The following ZNF385D variants were observed in gnomAD, a reference collection of about 807,000 sequenced individuals.
The protein encoded by ZNF385D is zinc finger protein 385D.
Under a neutral mutation model 35.8 loss-of-function variants are expected in ZNF385D, and 15 were observed. That is an observed-to-expected ratio of 0.42 (90% CI 0.28 to 0.64). The LOEUF (loss-of-function observed/expected upper bound fraction) is 0.64, where lower values mean the gene tolerates loss of function less well. ZNF385D is among the 30% of genes least tolerant of loss of function. The pLI, the probability that ZNF385D is intolerant of heterozygous loss-of-function variation, is 0.23. For missense variants in ZNF385D, 474 were observed against 494.6 expected (o/e 0.96, Z 0.39); for synonymous variants, 212 against 186.8 (o/e 1.13, Z -1.10).
chr3:21,897,053 C>T (rs950020112), intron 3 of ZNF385D, among the ~76,000 whole-genome samples: 8 of 152,082 alleles, frequency 5.3e-5, no homozygotes, highest in East Asian at 1.9e-4. Context: ...CTACTGCTGA[C>T]GTTATCACCC....
intron 2 of ZNF385D, among the ~76,000 whole-genome samples, chr3:21,656,947 C>T (rs1393816128): frequency 6.6e-6 from 1 of 151,776 alleles, no homozygotes; most frequent in Non-Finnish European, 1.5e-5. Flanking sequence ...CTTATTTACT[C>T]AAAATCCCAG....
intron 2 of ZNF385D, among the ~76,000 whole-genome samples, chr3:22,323,299 G>T (rs1430200294): frequency 6.6e-6 from 1 of 152,046 alleles, no homozygotes; most frequent in Non-Finnish European, 1.5e-5. Context: ...TGGTATATAG[G>T]GATATGCCCA....
chr3:22,160,495 G>T (rs969503242), intron 3 of ZNF385D, among the ~76,000 whole-genome samples: 5 of 152,066 alleles, frequency 3.3e-5, no homozygotes, highest in African/African-American at 1.2e-4. Flanking sequence ...TATCAATGTT[G>T]CAGGAGAAGA....
At chr3:22,328,874 G>C (rs373179083) in intron 2 of ZNF385D, among the ~76,000 whole-genome samples, 7 of 151,814 alleles carry the variant, frequency 4.6e-5, no homozygotes, top group South Asian at 4.2e-4. Context: ...AGGAGATCGA[G>C]ACCATCCTGG....
intron 3 of ZNF385D, among the ~76,000 whole-genome samples, chr3:22,125,448 AG>A (rs773833874): frequency 3.3e-5 from 5 of 152,056 alleles, no homozygotes; most frequent in Admixed American, 6.6e-5. Flanking sequence ...ATCTTTGTGA[AG>A]ATTGTCAATG....
chr3:22,367,404 T>C (rs1696704553), intron 2 of ZNF385D, among the ~76,000 whole-genome samples: 1 of 152,188 alleles, frequency 6.6e-6, no homozygotes, highest in African/African-American at 2.4e-5. Flanking sequence ...TCTATGATTT[T>C]GATGTCAAGT....
intron 3 of ZNF385D, among the ~76,000 whole-genome samples, chr3:21,881,257 T>G (rs117770759): frequency 6.6e-6 from 1 of 151,956 alleles, no homozygotes; most frequent in East Asian, 1.9e-4. Context: ...GTGCCTGGCA[T>G]CAAATTTTCA....
chr3:21,723,125 A>G (rs1020060318), intron 1 of ZNF385D, among the ~76,000 whole-genome samples: 2 of 152,310 alleles, frequency 1.3e-5, no homozygotes, highest in Admixed American at 6.5e-5. Flanking sequence ...GAGCATGTCC[A>G]CTCAGAGACC....
intron 3 of ZNF385D, among the ~76,000 whole-genome samples, chr3:21,779,898 C>T (rs184529353): frequency 1.3e-5 from 2 of 151,764 alleles, no homozygotes; most frequent in East Asian, 1.9e-4. Context: ...ATACTTAGTC[C>T]GAAAATTAAA....
Position 21,751,192 on chromosome 3 carries a change from C to A in ZNF385D, c.-276G>T, listed in dbSNP as rs1454125789. On this transcript the variant is annotated 5_prime_UTR_variant, in exon 1 of 8. Coordinates refer to ENST00000281523, the MANE Select transcript of ZNF385D (RefSeq NM_024697.3). Reference sequence around the variant, plus strand: ...ACTCCTCCTTGCGATGTCCTTGCCGCGCCTGTGACATCAGGACTGAGAGTA... The same window carrying A: ...ACTCCTCCTTGCGATGTCCTTGCCGAGCCTGTGACATCAGGACTGAGAGTA... 50 of 1,368,996 alleles carry A rather than the reference C, an allele frequency of 3.7e-5. No homozygotes were observed. Among genetic ancestry groups the A allele is most frequent in the Non-Finnish European group, 4.3e-5 (46 of 1,058,894 alleles). 84.8% of individuals were successfully genotyped at this position (1,368,996 alleles called of 1,614,324 possible). A position where few individuals can be genotyped will look rare whatever the true frequency, so the allele number is the denominator to read the frequency against.
intron 3 of ZNF385D, among the ~76,000 whole-genome samples, chr3:22,122,468 T>C (rs909823839): frequency 6.6e-6 from 1 of 152,174 alleles, no homozygotes; most frequent in Non-Finnish European, 1.5e-5. Context: ...AAAATGTATG[T>C]ATTGACTCTA....
chr3:21,627,248 T>G (rs1033386578), intron 2 of ZNF385D, among the ~76,000 whole-genome samples: 83 of 50,860 alleles, frequency 1.6e-3, no homozygotes, highest in African/African-American at 3.0e-3. Flanking sequence ...AGGTGTAGGG[T>G]GTGTGTGTGT....
At chr3:22,151,065 T>A (rs145503489) in intron 3 of ZNF385D, among the ~76,000 whole-genome samples, 1 of 152,288 alleles carries the variant, frequency 6.6e-6, no homozygotes, top group East Asian at 1.9e-4. Context: ...ACTAGTGCAA[T>A]GTGTTCAACA....
At chr3:21,604,037 G>A (rs6796846) in intron 2 of ZNF385D, among the ~76,000 whole-genome samples, 1 of 151,962 alleles carries the variant, frequency 6.6e-6, no homozygotes, top group Non-Finnish European at 1.5e-5. Context: ...TGAAGCAAGC[G>A]AGATTGCCGA....
At chr3:21,650,856 A>C (rs2065889829) in intron 2 of ZNF385D, among the ~76,000 whole-genome samples, 1 of 152,146 alleles carries the variant, frequency 6.6e-6, no homozygotes, top group African/African-American at 2.4e-5. Context: ...CTAAACTGAG[A>C]GTTAACTGAT....
intron 3 of ZNF385D, among the ~76,000 whole-genome samples, chr3:22,036,202 G>C (rs368614795): frequency 1.3e-5 from 2 of 152,138 alleles, no homozygotes; most frequent in African/African-American, 4.8e-5. Flanking sequence ...AAGGATTCAT[G>C]GGGGTGAAGG....
intron 3 of ZNF385D, among the ~76,000 whole-genome samples, chr3:22,133,312 C>T (rs948635593): frequency 1.3e-5 from 2 of 151,894 alleles, no homozygotes; most frequent in Non-Finnish European, 2.9e-5. Flanking sequence ...TTTAAAAAAG[C>T]AGTCTCCTCA....
At chr3:22,364,140 C>T (rs893306048) in intron 2 of ZNF385D, among the ~76,000 whole-genome samples, 4 of 151,846 alleles carry the variant, frequency 2.6e-5, no homozygotes, top group Admixed American at 2.6e-4. Flanking sequence ...TTTAGTGATC[C>T]TTTACATACT....
intron 3 of ZNF385D, among the ~76,000 whole-genome samples, chr3:22,120,795 T>A (rs1161956651): frequency 1.3e-5 from 2 of 152,164 alleles, no homozygotes; most frequent in Admixed American, 6.6e-5. Flanking sequence ...GTTTTCCTAA[T>A]TACCGTTTAT....
Sources: allele counts gnomAD v4.1 joint callset (sites outside exome capture counted in the v4.1 genomes callset), GRCh38; gene constraint gnomAD v4.1.1; transcripts MANE v1.5; gene names NCBI Gene and HGNC (gene_info 2026-07-23, HGNC 2026-07-21).